GREB1L: variants seen among roughly 807,000 people sequenced by gnomAD.
The protein encoded by GREB1L is GREB1 like retinoic acid receptor coactivator.
A neutral mutation model predicts 200.8 loss-of-function variants in GREB1L; 17 were observed. The ratio of observed to expected loss-of-function variants is 0.08; its 90% confidence interval spans 0.06 to 0.13. GREB1L has a LOEUF of 0.13. Among genes scored for constraint, GREB1L ranks in the 10% least tolerant of loss-of-function variants. The pLI, the probability that GREB1L is intolerant of heterozygous loss-of-function variation, is 1.00. For missense variants in GREB1L, 1,657 were observed against 2,367.7 expected (o/e 0.70, Z 6.23); for synonymous variants, 789 against 893.0 (o/e 0.88, Z 2.08).
intron 1 of GREB1L, among the ~76,000 whole-genome samples, chr18:21,300,389 A>T (rs1254576163): frequency 6.6e-6 from 1 of 152,210 alleles, no homozygotes. Context: ...CAATGTTTTC[A>T]TTGATTTAGG....
At chr18:21,355,982 CTTTTTTTTTT>C (rs869238658) in intron 1 of GREB1L, among the ~76,000 whole-genome samples, 2 of 109,178 alleles carry the variant, frequency 1.8e-5, no homozygotes, top group East Asian at 2.5e-4. Context: ...AATTAGGCTT[CTTTTTTTTTT>C]TTTTTTTTTT....
Position 21,477,159 on chromosome 18 carries a change from T to C in GREB1L, c.2364-5T>C. 6.5e-7 allele frequency: 1 copy of C among 1,546,376 alleles called. No homozygotes were observed. The highest frequency in any genetic ancestry group is 1.2e-5 in the South Asian group (1 of 83,464). On this transcript the variant is annotated splice_region_variant and splice_polypyrimidine_tract_variant and intron_variant, in intron 16 of 32. Transcript: ENST00000424526. ...GTATTAATATGACTTTCAATTTTTC[T>C]ACAGTGTCATTTCAGGCTCTTTGTC...
At chr18:21,376,871 TTGTA>T (rs1027850305) in intron 2 of GREB1L, among the ~76,000 whole-genome samples, 8 of 151,446 alleles carry the variant, frequency 5.3e-5, no homozygotes, top group Admixed American at 4.6e-4. Context: ...TACTTATGTA[TTGTA>T]TGTATCTGGC....
intron 4 of GREB1L, among the ~76,000 whole-genome samples, chr18:21,389,883 C>T (rs2040723051): frequency 6.6e-6 from 1 of 152,154 alleles, no homozygotes; most frequent in African/African-American, 2.4e-5. Flanking sequence ...AGAAATCAAT[C>T]TGAAAAGGCC....
At chr18:21,355,265 C>A (rs1479625201) in intron 1 of GREB1L, among the ~76,000 whole-genome samples, 1 of 150,820 alleles carries the variant, frequency 6.6e-6, no homozygotes, top group Non-Finnish European at 1.5e-5. Flanking sequence ...GCAATCTCGG[C>A]TCACTGTAAC....
At chr18:21,424,365 C>T (rs1205964779) in intron 7 of GREB1L, among the ~76,000 whole-genome samples, 2 of 152,064 alleles carry the variant, frequency 1.3e-5, no homozygotes, top group Non-Finnish European at 2.9e-5. Flanking sequence ...GCCAGGAGTT[C>T]GAGACCAGCC....
chr18:21,410,559 G>A (rs186759146), intron 7 of GREB1L, among the ~76,000 whole-genome samples: 5 of 152,024 alleles, frequency 3.3e-5, no homozygotes, highest in Non-Finnish European at 7.4e-5. Context: ...GAAGGCTGAG[G>A]CAGGAGAATT....
rs186517610 is a variant in GREB1L at position 21,348,169 on chromosome 18, T to C, written c.-119-17858T>C. On this transcript the variant is annotated intron_variant, in intron 1 of 32. Transcript: ENST00000424526. The stretch of plus-strand genomic sequence containing the variant: ...ACCGTGTTAACCAGGATGGTCTCAA[T>C]CTCCTGACCTCGTGTTCCGCCCGCC... 3.3e-5 allele frequency among the ~76,000 whole-genome samples: 5 copies of C among 151,664 alleles called. 1 individual carries two copies. The highest frequency in any genetic ancestry group is 2.0e-4 in the Admixed American group (3 of 15,248).
At chr18:21,497,813 C>G (rs1390223051) in intron 21 of GREB1L, among the ~76,000 whole-genome samples, 4 of 121,022 alleles carry the variant, frequency 3.3e-5, no homozygotes, top group African/African-American at 1.1e-4. Context: ...CCCTCACCAC[C>G]CCCCCCCCTT....
intron 7 of GREB1L, among the ~76,000 whole-genome samples, chr18:21,415,192 T>C (rs2031509358): frequency 6.6e-6 from 1 of 152,094 alleles, no homozygotes; most frequent in African/African-American, 2.4e-5. Flanking sequence ...TACCTGCATG[T>C]GAAGAAATTA....
At chr18:21,270,829 T>C (rs1458230755) in intron 1 of GREB1L, among the ~76,000 whole-genome samples, 6 of 152,240 alleles carry the variant, frequency 3.9e-5, no homozygotes, top group Non-Finnish European at 5.9e-5. Flanking sequence ...TAAAAATAAC[T>C]GCTTGTATTT....
At chr18:21,265,880 A>G (rs569209417) in intron 1 of GREB1L, among the ~76,000 whole-genome samples, 1 of 152,276 alleles carries the variant, frequency 6.6e-6, no homozygotes, top group East Asian at 1.9e-4. Context: ...TTTGGCCCCA[A>G]CACAGCAATA....
intron 15 of GREB1L, among the ~76,000 whole-genome samples, chr18:21,459,183 G>A (rs2034917451): frequency 6.6e-6 from 1 of 151,878 alleles, no homozygotes; most frequent in Non-Finnish European, 1.5e-5. Context: ...TATTCAAATG[G>A]ACATAAGGCA....
chr18:21,328,073 G>GCTA (rs2039051030), intron 1 of GREB1L, among the ~76,000 whole-genome samples: 1 of 152,068 alleles, frequency 6.6e-6, no homozygotes, highest in East Asian at 1.9e-4. Flanking sequence ...CCCACATAAA[G>GCTA]CTACACCTAC....
At chr18:21,350,982 G>T (rs1351617503) in intron 1 of GREB1L, among the ~76,000 whole-genome samples, 1 of 152,098 alleles carries the variant, frequency 6.6e-6, no homozygotes, top group Non-Finnish European at 1.5e-5. Context: ...TTTGGAGGTG[G>T]TGGTGGTGGG....
At chr18:21,371,016 G>T (rs1191878782) in intron 2 of GREB1L, among the ~76,000 whole-genome samples, 1 of 152,062 alleles carries the variant, frequency 6.6e-6, no homozygotes, top group African/African-American at 2.4e-5. Flanking sequence ...AGCCCACGAG[G>T]TGGAGGTTGC....
chr18:21,283,327 A>C (rs571061314), intron 1 of GREB1L, among the ~76,000 whole-genome samples: 19 of 152,204 alleles, frequency 1.2e-4, no homozygotes, highest in Non-Finnish European at 1.8e-4. Context: ...ATTCTGTGGG[A>C]AAAAAAATCC....
chr18:21,377,366 C>T (rs1367765436), intron 2 of GREB1L, among the ~76,000 whole-genome samples: 12 of 152,196 alleles, frequency 7.9e-5, no homozygotes, highest in African/African-American at 2.4e-4. Flanking sequence ...AGTAGTAATG[C>T]ACTCTGAGGG....
chr18:21,426,973 C>CAAAAAAAA (rs56776768), intron 7 of GREB1L, among the ~76,000 whole-genome samples: 2 of 83,788 alleles, frequency 2.4e-5, no homozygotes, highest in Non-Finnish European at 3.4e-5. Flanking sequence ...AAAAAAAAAA[C>CAAAAAAAA]AAAAAAAAAA....
Sources: gnomAD v4.1 joint callset for allele counts (sites outside exome capture counted in the v4.1 genomes callset) on GRCh38, gnomAD v4.1.1 for gene constraint, MANE v1.5 for transcripts, NCBI Gene and HGNC (gene_info 2026-07-23, HGNC 2026-07-21) for gene names.